The following RBFOX1 variants were observed in gnomAD, a reference collection of about 807,000 sequenced individuals.
The protein encoded by RBFOX1 is RNA binding fox-1 homolog 1.
In RBFOX1, 8 loss-of-function variants were observed where a neutral mutation model predicts 57.7. That is an observed-to-expected ratio of 0.14 (90% CI 0.08 to 0.25). The LOEUF (loss-of-function observed/expected upper bound fraction) is 0.25. Ranked by LOEUF, RBFOX1 falls within the 10% of genes least tolerant of loss-of-function variation. The probability of loss-of-function intolerance (pLI) is 1.00; values close to 1 mark genes in which losing one functional copy is unlikely to be tolerated. For missense variants in RBFOX1, 611 were observed against 548.5 expected (o/e 1.11, Z -1.14); for synonymous variants, 326 against 222.4 (o/e 1.47, Z -4.15).
At chr16:7,150,150 C>T (rs1034077949) in intron 4 of RBFOX1, among the ~76,000 whole-genome samples, 1 of 152,110 alleles carries the variant, frequency 6.6e-6, no homozygotes, top group East Asian at 1.9e-4. Flanking sequence ...TTGATGTTTC[C>T]TATTAGCAGC....
intron 2 of RBFOX1, among the ~76,000 whole-genome samples, chr16:6,452,526 C>A (rs1198239630): frequency 1.3e-5 from 2 of 152,182 alleles, no homozygotes; most frequent in African/African-American, 4.8e-5. Context: ...GAGAAAAAGA[C>A]CCTCTGAGAA....
At chr16:6,170,460 C>G (rs191553344) in intron 1 of RBFOX1, among the ~76,000 whole-genome samples, 1 of 152,056 alleles carries the variant, frequency 6.6e-6, no homozygotes. Context: ...CTCTGAGCCC[C>G]GTGGATGCAT....
intron 3 of RBFOX1, among the ~76,000 whole-genome samples, chr16:5,717,507 C>T (rs1269129420): frequency 6.6e-6 from 1 of 152,182 alleles, no homozygotes; most frequent in Non-Finnish European, 1.5e-5. Context: ...CACCCCCTCC[C>T]ACCCTTCACC....
At chr16:6,682,980 G>T (rs1368085461) in intron 3 of RBFOX1, among the ~76,000 whole-genome samples, 2 of 152,038 alleles carry the variant, frequency 1.3e-5, no homozygotes, top group African/African-American at 4.8e-5. Flanking sequence ...AAGCTGCAGT[G>T]TTGAGTGCTT....
intron 4 of RBFOX1, among the ~76,000 whole-genome samples, chr16:7,296,614 G>T (rs1387800104): frequency 6.6e-6 from 1 of 152,160 alleles, no homozygotes; most frequent in Non-Finnish European, 1.5e-5. Flanking sequence ...AAACCAGTTT[G>T]TGTGTTTCTG....
At chr16:7,020,544 T>A (rs963633170) in intron 3 of RBFOX1, among the ~76,000 whole-genome samples, 2 of 152,194 alleles carry the variant, frequency 1.3e-5, no homozygotes, top group Non-Finnish European at 2.9e-5. Flanking sequence ...CAAAATATAA[T>A]GTTTATGAAA....
chr16:7,040,221 A>T (rs994848979), intron 3 of RBFOX1, among the ~76,000 whole-genome samples: 4 of 151,732 alleles, frequency 2.6e-5, no homozygotes, highest in African/African-American at 9.7e-5. Context: ...GGGTTTCACC[A>T]TGTTGGCCAG....
chr16:5,501,649 T>C (rs138270399), intron 2 of RBFOX1, among the ~76,000 whole-genome samples: 1,709 of 152,342 alleles, frequency 0.011, 15 homozygotes, highest in Non-Finnish European at 0.018. Flanking sequence ...AATGAGATGA[T>C]GCCGTCAAAT....
chr16:6,648,916 G>A (rs1602664313), intron 2 of RBFOX1, among the ~76,000 whole-genome samples: 1 of 152,254 alleles, frequency 6.6e-6, no homozygotes, highest in East Asian at 1.9e-4. Flanking sequence ...TGGCTAAATA[G>A]AGCCAATATC....
intron 2 of RBFOX1, among the ~76,000 whole-genome samples, chr16:6,552,852 G>C (rs769115826): frequency 6.6e-6 from 1 of 151,890 alleles, no homozygotes; most frequent in African/African-American, 2.4e-5. Flanking sequence ...TATAGAGTAT[G>C]TCTGGCAGTA....
At chr16:6,491,481 G>T (rs2095631651) in intron 2 of RBFOX1, among the ~76,000 whole-genome samples, 1 of 152,146 alleles carries the variant, frequency 6.6e-6, no homozygotes, top group Middle Eastern at 3.2e-3. Context: ...GTTATAAGTG[G>T]TTCAGGATTC....
intron 3 of RBFOX1, among the ~76,000 whole-genome samples, chr16:6,927,058 T>G (rs1263213782): frequency 6.6e-6 from 1 of 152,026 alleles, no homozygotes; most frequent in Non-Finnish European, 1.5e-5. Context: ...CCACCCACCA[T>G]TTTTCTTTTC....
chr16:5,703,973 C>T (rs2051146192), intron 3 of RBFOX1, among the ~76,000 whole-genome samples: 1 of 152,048 alleles, frequency 6.6e-6, no homozygotes, highest in Non-Finnish European at 1.5e-5. Context: ...AGGTTAAGCC[C>T]CCTCAAATCG....
chr16:7,463,893 G>A (rs886107438), intron 4 of RBFOX1, among the ~76,000 whole-genome samples: 4 of 152,134 alleles, frequency 2.6e-5, no homozygotes, highest in African/African-American at 9.7e-5. Flanking sequence ...GAAGAGCAAA[G>A]TAGAGACTAT....
intron 3 of RBFOX1, among the ~76,000 whole-genome samples, chr16:6,997,843 T>C (rs971938971): frequency 2.0e-5 from 3 of 152,290 alleles, no homozygotes; most frequent in South Asian, 2.1e-4. Flanking sequence ...CTTCTAGTAA[T>C]AGCAGGAAAC....
At chr16:6,841,167 G>T (rs1053137697) in intron 3 of RBFOX1, among the ~76,000 whole-genome samples, 3 of 152,102 alleles carry the variant, frequency 2.0e-5, no homozygotes, top group African/African-American at 7.2e-5. Context: ...CATTTTGCTA[G>T]AAGCCTGAAC....
At chr16:7,205,201 G>C (rs1162914411) in intron 4 of RBFOX1, among the ~76,000 whole-genome samples, 2 of 152,030 alleles carry the variant, frequency 1.3e-5, no homozygotes, top group African/African-American at 4.8e-5. Flanking sequence ...TGAATATTTT[G>C]GAAAACTCCA....
intron 5 of RBFOX1, among the ~76,000 whole-genome samples, chr16:7,530,107 G>C (rs57841553): frequency 0.032 from 4,892 of 152,014 alleles, 284 homozygotes; most frequent in African/African-American, 0.11. Context: ...CAGTGTGACA[G>C]TGCAGAGATT....
intron 2 of RBFOX1, among the ~76,000 whole-genome samples, chr16:6,615,817 C>A (rs1206418614): frequency 6.6e-6 from 1 of 152,118 alleles, no homozygotes; most frequent in Non-Finnish European, 1.5e-5. Flanking sequence ...GAGACACAGC[C>A]GCATTTCCCT....
Sources: gnomAD v4.1 joint callset for allele counts (sites outside exome capture counted in the v4.1 genomes callset) on GRCh38, gnomAD v4.1.1 for gene constraint, MANE v1.5 for transcripts, NCBI Gene and HGNC (gene_info 2026-07-23, HGNC 2026-07-21) for gene names.